ASTN2: variants seen among roughly 807,000 people sequenced by gnomAD.
ASTN2 encodes the protein astrotactin-2.
Under a neutral mutation model 139.8 loss-of-function variants are expected in ASTN2, and 54 were observed. The ratio of observed to expected loss-of-function variants is 0.39; its 90% confidence interval spans 0.31 to 0.48. The LOEUF (loss-of-function observed/expected upper bound fraction) is 0.48. Among genes scored for constraint, ASTN2 ranks in the 20% least tolerant of loss-of-function variants. The pLI, the probability that ASTN2 is intolerant of heterozygous loss-of-function variation, is 0.95. For synonymous variants in ASTN2, 756 were observed against 719.5 expected, an observed-to-expected ratio of 1.05 and a Z score of -0.81; for missense variants, 1,565 against 1,725.1, an observed-to-expected ratio of 0.91 and a Z score of 1.64.
chr9:116,440,207 T>TA (rs1051825357), intron 22 of ASTN2, among the ~76,000 whole-genome samples: 24 of 152,172 alleles, frequency 1.6e-4, no homozygotes, highest in African/African-American at 5.1e-4. Context: ...CTATTTACTG[T>TA]AAAAAAACTC....
intron 4 of ASTN2, among the ~76,000 whole-genome samples, chr9:117,100,026 T>A (rs1354279553): frequency 6.6e-6 from 1 of 152,334 alleles, no homozygotes; most frequent in East Asian, 1.9e-4. Flanking sequence ...TGCATATGGA[T>A]GTAGAGGGCT....
chr9:117,167,093 C>A (rs868579931), intron 3 of ASTN2, among the ~76,000 whole-genome samples: 16 of 151,894 alleles, frequency 1.1e-4, no homozygotes, highest in South Asian at 6.2e-4. Flanking sequence ...AAAGATAATT[C>A]GAAATTTTGA....
chr9:116,493,815 C>T (rs1365673508), intron 19 of ASTN2, among the ~76,000 whole-genome samples: 4 of 152,050 alleles, frequency 2.6e-5, no homozygotes, highest in East Asian at 1.9e-4. Context: ...GGGGTGGGGA[C>T]GGCAAGTTTT....
At chr9:116,915,439 G>C (rs942059698) in intron 10 of ASTN2, among the ~76,000 whole-genome samples, 3 of 152,172 alleles carry the variant, frequency 2.0e-5, no homozygotes, top group African/African-American at 2.4e-5. Context: ...TGACTGGTAA[G>C]AGCATATTTT....
At chr9:116,616,945 C>T (rs746207132) in intron 19 of ASTN2, among the ~76,000 whole-genome samples, 13 of 152,208 alleles carry the variant, frequency 8.5e-5, no homozygotes, top group Non-Finnish European at 1.6e-4. Flanking sequence ...AACACATATG[C>T]ACTCCATACA....
chr9:116,561,347 T>C (rs1185962197), intron 19 of ASTN2, among the ~76,000 whole-genome samples: 1 of 152,190 alleles, frequency 6.6e-6, no homozygotes, highest in East Asian at 1.9e-4. Context: ...GTTCAATAAA[T>C]CTTCATTAAT....
intron 2 of ASTN2, among the ~76,000 whole-genome samples, chr9:117,229,021 AAAAC>A (rs1832803760): frequency 6.6e-6 from 1 of 151,908 alleles, no homozygotes; most frequent in South Asian, 2.1e-4. Context: ...AAAACAAAAC[AAAAC>A]AAACAAAAAA....
chr9:116,628,774 T>G (rs899945390), intron 17 of ASTN2, among the ~76,000 whole-genome samples: 1 of 152,204 alleles, frequency 6.6e-6, no homozygotes, highest in Non-Finnish European at 1.5e-5. Context: ...TTGTGGCAAA[T>G]GTACCACTCT....
intron 11 of ASTN2, among the ~76,000 whole-genome samples, chr9:116,848,064 C>T (rs1470605234): frequency 1.3e-5 from 2 of 152,152 alleles, no homozygotes; most frequent in Non-Finnish European, 1.5e-5. Context: ...GGGTTCAAGG[C>T]GCTGGGAGGA....
At chr9:116,721,866 G>A (rs1564231726) in intron 16 of ASTN2, among the ~76,000 whole-genome samples, 2 of 152,172 alleles carry the variant, frequency 1.3e-5, no homozygotes, top group Non-Finnish European at 2.9e-5. Flanking sequence ...AACTAGGTCT[G>A]TTATTCTAGC....
intron 2 of ASTN2, among the ~76,000 whole-genome samples, chr9:117,262,672 C>T (rs142891491): frequency 3.8e-4 from 58 of 152,214 alleles, no homozygotes; most frequent in African/African-American, 1.4e-3. Context: ...TACTCAGAAC[C>T]TGTGAATATG....
intron 3 of ASTN2, chr9:117,180,997 C>G: frequency 1.3e-6 from 2 of 1,596,164 alleles, no homozygotes; most frequent in Admixed American, 3.3e-5. Flanking sequence ...TCCAAAGGCA[C>G]CTCGCATGCC....
chr9:116,453,178 G>A (rs1848223209), intron 20 of ASTN2, among the ~76,000 whole-genome samples: 1 of 152,060 alleles, frequency 6.6e-6, no homozygotes, highest in Non-Finnish European at 1.5e-5. Context: ...CCTCTGCTTG[G>A]GGTCTAAAAG....
intron 5 of ASTN2, among the ~76,000 whole-genome samples, chr9:117,061,138 CTTTT>C (rs907612827): frequency 1.4e-4 from 15 of 109,252 alleles, no homozygotes; most frequent in African/African-American, 4.9e-4. Context: ...ATACACCAGT[CTTTT>C]ATTTATTTAT....
intron 2 of ASTN2, among the ~76,000 whole-genome samples, chr9:117,233,084 G>C (rs999277526): frequency 6.6e-6 from 1 of 152,078 alleles, no homozygotes; most frequent in Non-Finnish European, 1.5e-5. Context: ...TGGAGCTTGC[G>C]TTCTTCCAGT....
intron 2 of ASTN2, among the ~76,000 whole-genome samples, chr9:117,281,543 A>G (rs188701344): frequency 6.6e-6 from 1 of 152,282 alleles, no homozygotes; most frequent in East Asian, 1.9e-4. Flanking sequence ...AACAGCGTGA[A>G]CCTCACTGCA....
chr9:116,875,400 G>A (rs1254994838), intron 10 of ASTN2, among the ~76,000 whole-genome samples: 1 of 152,202 alleles, frequency 6.6e-6, no homozygotes, highest in South Asian at 2.1e-4. Flanking sequence ...AGAGAGGTGA[G>A]GAAGCTGTGG....
intron 13 of ASTN2, among the ~76,000 whole-genome samples, chr9:116,783,403 A>G (rs1830274958): frequency 6.7e-6 from 1 of 148,414 alleles, no homozygotes; most frequent in African/African-American, 2.5e-5. Flanking sequence ...CTTGTTAACG[A>G]CCTACCACGC....
chr9:117,327,254 G>T (rs1264615172), intron 1 of ASTN2, among the ~76,000 whole-genome samples: 2 of 152,124 alleles, frequency 1.3e-5, no homozygotes, highest in Non-Finnish European at 2.9e-5. Context: ...GACTGGTACT[G>T]GTCTGTGGCC....
Sources: gnomAD v4.1 joint callset for allele counts (sites outside exome capture counted in the v4.1 genomes callset) on GRCh38, gnomAD v4.1.1 for gene constraint, MANE v1.5 for transcripts, NCBI Gene and HGNC (gene_info 2026-07-23, HGNC 2026-07-21) for gene names.